IGFBP6: variants seen among roughly 807,000 people sequenced by gnomAD.
IGFBP6 encodes insulin like growth factor binding protein 6.
A neutral mutation model predicts 24.5 loss-of-function variants in IGFBP6; 24 were observed. The ratio of observed to expected loss-of-function variants is 0.98; its 90% CI spans 0.71 to 1.38. The LOEUF is 1.38. Ranked by LOEUF, IGFBP6 falls within the 40% of genes most tolerant of loss-of-function variation. The pLI, the probability that IGFBP6 is intolerant of heterozygous loss-of-function variation, is 0.00. For missense variants in IGFBP6, 331 were observed against 324.8 expected, an observed-to-expected ratio of 1.02 and a Z score of -0.15; for synonymous variants, 147 against 137.4, an observed-to-expected ratio of 1.07 and a Z score of -0.49.
rs1178128967 is a variant in IGFBP6 at position 53,097,722 on chromosome 12, C to A, written c.5C>A (p.Thr2Asn). The change falls in exon 1 of 4, where the codon ACC becomes AAC. Residue 2 changes from threonine to asparagine, a missense_variant. Physicochemically the swap from Thr to Asn is moderately conservative, Grantham distance 65. Coordinates refer to ENST00000301464, the MANE Select transcript of IGFBP6 (RefSeq NM_002178.3). The stretch of plus-strand genomic sequence containing the variant: ...GACGGGGCACAAACCCTGACCATGA[C>A]CCCCCACAGGCTGCTGCCACCGCTG... M[T>N]PHRLLPPLLL... 21 of 1,544,322 alleles carry A rather than the reference C, an allele frequency of 1.4e-5. No homozygotes were observed. The East Asian group carries it at 3.9e-4, about 29-fold the overall frequency.
At position 53,102,197 on chromosome 12, in the gene IGFBP6, C is replaced by T; in HGVS notation, c.*30C>T. ...GGGGGATAGAGGGGCTGCAGGGCCA[C>T]TGGAAGGAACATGGAGCTGTCATCA... is the stretch of plus-strand genomic sequence containing the variant. On this transcript the variant is annotated 3_prime_UTR_variant, in exon 4 of 4. Coordinates refer to ENST00000301464, the MANE Select transcript of IGFBP6 (RefSeq NM_002178.3). The T allele has an allele frequency of 1.9e-6, 3 of 1,612,000 alleles. No individual in the cohort carries two copies. Among genetic ancestry groups the T allele is most frequent in the Non-Finnish European group, 2.5e-6 (3 of 1,179,198 alleles).
chr12:53,099,248 T>C (rs1937787143), intron 1 of IGFBP6: 1 of 448,928 alleles, frequency 2.2e-6, no homozygotes. Context: ...CCCTGACTTA[T>C]TTCCTCACCC....
In IGFBP6 at chr12:53,100,796, A is replaced by G; in HGVS notation, c.419A>G (p.Asn140Ser). 1 of 1,614,212 alleles carries G rather than the reference A, an allele frequency of 6.2e-7. No homozygotes were observed. Among genetic ancestry groups the G allele is most frequent in the Non-Finnish European group, 8.5e-7 (1 of 1,180,018 alleles). ...GTGAACCGCAGAGACCAACAGAGGA[A>G]TCCAGGCACCTCTACCACGCCCTCC... is the stretch of plus-strand genomic sequence containing the variant. ...QDVNRRDQQR[N>S]PGTSTTPSQP... Residue 140 changes from asparagine (N) to serine (S), a missense_variant, in exon 2 of 4, where the codon AAT (asparagine) becomes AGT (serine). Asn to Ser is a conservative substitution (Grantham distance 46). Transcript: ENST00000301464.
In IGFBP6 at chr12:53,102,056, C is replaced by T. The variant is rs1167911881; in HGVS notation, c.612C>T (p.Ser204=). The T allele has an allele frequency of 6.2e-7, 1 of 1,613,716 alleles. No homozygotes were observed. Residue 204 remains serine (S), a synonymous_variant, in exon 4 of 4, where the codon TCC becomes TCT. Coordinates refer to ENST00000301464, the MANE Select transcript of IGFBP6 (RefSeq NM_002178.3). ...GFYRKRQCRS[S]QGQRRGPCWC... is the part of the protein sequence containing the mutation. Reference sequence around the variant, plus strand: ...GCCTCTCTCTCCAGTGCCGCTCCTCCCAGGGGCAGCGCCGAGGTCCCTGCT... The same window carrying T: ...GCCTCTCTCTCCAGTGCCGCTCCTCTCAGGGGCAGCGCCGAGGTCCCTGCT...
Sources: gnomAD v4.1 joint callset for allele counts on GRCh38, gnomAD v4.1.1 for gene constraint, MANE v1.5 for transcripts, NCBI Gene and HGNC (gene_info 2026-07-23, HGNC 2026-07-21) for gene names.